ZNF496: variants seen among roughly 807,000 people sequenced by gnomAD.
ZNF496 encodes zinc finger protein 496, also known as NSD1 (nuclear receptor binding SET-domain containing 1)-interacting zinc finger protein 1.
A neutral mutation model predicts 58.9 loss-of-function variants in ZNF496; 11 were observed. That is an observed-to-expected ratio of 0.19 (90% CI 0.12 to 0.31). The LOEUF (loss-of-function observed/expected upper bound fraction) is 0.31. ZNF496 is among the 10% of genes least tolerant of loss of function. The pLI is 1.00. For synonymous variants in ZNF496, 338 were observed against 318.2 expected (o/e 1.06, Z -0.66); for missense variants, 660 against 783.0 (o/e 0.84, Z 1.88).
intron 6 of ZNF496, among the ~76,000 whole-genome samples, chr1:247,317,546 T>C: frequency 6.7e-6 from 1 of 150,024 alleles, no homozygotes; most frequent in African/African-American, 2.4e-5. Flanking sequence ...AGCTGGGACC[T>C]CCATCCCTGC....
At chr1:247,325,393 A>G (rs1660088658) in intron 5 of ZNF496, among the ~76,000 whole-genome samples, 2 of 152,250 alleles carry the variant, frequency 1.3e-5, no homozygotes. Context: ...TTATTAAGCT[A>G]TAATTGACAA....
intron 5 of ZNF496, among the ~76,000 whole-genome samples, chr1:247,326,953 T>G (rs1003894469): frequency 2.0e-5 from 3 of 152,134 alleles, no homozygotes. Flanking sequence ...CCGCCCGTCA[T>G]CAAGAGTCCT....
chr1:247,323,290 C>T, intron 5 of ZNF496, 60 bp from the exon 6 acceptor site: 2 of 1,268,240 alleles, frequency 1.6e-6, no homozygotes, highest in Non-Finnish European at 2.3e-6. Flanking sequence ...GGTGCTGATA[C>T]CTTCTGAGCT....
intron 6 of ZNF496, among the ~76,000 whole-genome samples, chr1:247,320,441 G>A (rs188387841): frequency 1.9e-4 from 29 of 152,304 alleles, no homozygotes; most frequent in Non-Finnish European, 2.9e-4. Context: ...TCACAGAGCT[G>A]AAAAACAGAT....
intron 6 of ZNF496, among the ~76,000 whole-genome samples, chr1:247,322,530 T>A (rs1006679883): frequency 6.6e-6 from 1 of 152,156 alleles, no homozygotes; most frequent in Admixed American, 6.5e-5. Flanking sequence ...GAAGGAGATA[T>A]GGCCAGAAAA....
In ZNF496 at chr1:247,298,510, G is replaced by A. The variant is rs966474072; in HGVS notation, c.*2009C>T. ...AATTTTTTGCATTTTTGGTACAGAC[G>A]GGGTTTTGCCATGTGGCCCAGGCTG... On this transcript the variant is annotated 3_prime_UTR_variant, in exon 10 of 10. Transcript: ENST00000682384. The A allele has an allele frequency of 6.6e-6, 1 of 152,572 alleles. No homozygotes were observed. The highest frequency in any genetic ancestry group is 2.4e-5 in the African/African-American group (1 of 41,458). The allele number at this position is 152,572 out of a possible 1,614,324, so 9.5% of individuals were successfully genotyped here.
chr1:247,325,816 G>A (rs1489252435), intron 5 of ZNF496, among the ~76,000 whole-genome samples: 1 of 151,944 alleles, frequency 6.6e-6, no homozygotes, highest in Non-Finnish European at 1.5e-5. Context: ...TTTTAGTTCT[G>A]CTTCCTCACA....
chr1:247,325,857 C>A (rs1388665156), intron 5 of ZNF496, among the ~76,000 whole-genome samples: 2 of 151,936 alleles, frequency 1.3e-5, no homozygotes, highest in African/African-American at 4.8e-5. Context: ...GTAGCTATCC[C>A]AGATATTCAT....
At chr1:247,326,151 T>A (rs12564303) in intron 5 of ZNF496, among the ~76,000 whole-genome samples, 49,905 of 149,584 alleles carry the variant, frequency 0.33, 8,816 homozygotes, top group Middle Eastern at 0.52. Context: ...CACACATATA[T>A]ATATATATAT....
chr1:247,326,127 C>CAT (rs769921242), intron 5 of ZNF496, among the ~76,000 whole-genome samples: 3,132 of 147,252 alleles, frequency 0.021, 101 homozygotes, highest in African/African-American at 0.07. Flanking sequence ...TATATACATA[C>CAT]ATATATATAT....
rs1659185477 is a variant in ZNF496, at chr1:247,300,029, C to T, written c.*490G>A. 6.5e-6 allele frequency: 1 copy of T among 153,642 alleles called. No individual in the cohort carries two copies. 9.5% of individuals were successfully genotyped at this position (153,642 alleles called of 1,614,324 possible). On this transcript the variant is annotated 3_prime_UTR_variant, in exon 10 of 10. Transcript: ENST00000682384. The surrounding 1 kb of genome is among the most constrained non-coding windows in gnomAD (Gnocchi z 5.7). ...CTCCCCACTGAGCCCATCAGTCCCA[C>T]CCTGCCTTCTTCTTTCCTCTAGTCC...
chr1:247,315,029 G>A (rs928067977), intron 6 of ZNF496, among the ~76,000 whole-genome samples: 1 of 148,446 alleles, frequency 6.7e-6, no homozygotes, highest in African/African-American at 2.5e-5. Flanking sequence ...AGGATTATGG[G>A]TGTGAGCCAC....
chr1:247,319,544 G>A (rs1045376482), intron 6 of ZNF496, among the ~76,000 whole-genome samples: 1 of 152,122 alleles, frequency 6.6e-6, no homozygotes, highest in African/African-American at 2.4e-5. Context: ...CTAACATGTC[G>A]GTAATGACAT....
At position 247,300,432 on chromosome 1, in the gene ZNF496, GA is replaced by G; in HGVS notation, c.*86del. 7.0e-7 allele frequency: 1 copy of G among 1,420,228 alleles called. No homozygotes were observed. The highest frequency in any genetic ancestry group is 9.4e-7 in the Non-Finnish European group (1 of 1,061,178). 88.0% of individuals were successfully genotyped at this position (1,420,228 alleles called of 1,614,324 possible). ...AGGGAGGTGTGCTCTCTATCCTGGGGAAGGTATGTCCTGGGTGGGGGCGCTG... is the reference window on the plus strand; with the variant it reads ...AGGGAGGTGTGCTCTCTATCCTGGGGAGGTATGTCCTGGGTGGGGGCGCTG... On this transcript the variant is annotated 3_prime_UTR_variant, in exon 10 of 10. Transcript: ENST00000682384. The surrounding 1 kb of genome is among the most constrained non-coding windows in gnomAD (Gnocchi z 5.7).
intron 6 of ZNF496, among the ~76,000 whole-genome samples, chr1:247,314,193 G>A (rs1659700871): frequency 6.6e-6 from 1 of 152,080 alleles, no homozygotes. Context: ...CAAGTAGCTG[G>A]GACTACAGGA....
chr1:247,300,777 G>A lies in ZNF496; in HGVS notation c.1506C>T (p.Ser502=), dbSNP rs780619810. The A allele has an allele frequency of 2.5e-6, 4 of 1,603,388 alleles. No homozygotes were observed. The highest frequency in any genetic ancestry group is 3.4e-5 in the Admixed American group (2 of 59,630). The change falls in exon 10 of 10, where the codon TCC becomes TCT. Residue 502 remains serine (S), a synonymous_variant. Coordinates refer to ENST00000682384, the MANE Select transcript of ZNF496 (RefSeq NM_032752.3). This position sits in a 1 kb window ranked among gnomAD's most constrained non-coding sequence, Gnocchi z 5.7. ...QPVEKREQAA[S]EDADKGPKEP... is the part of the protein sequence containing the mutation. ...CTTTGGGACCCTTGTCCGCGTCCTC[G>A]GATGCCGCCTGCTCTCTCTTCTCCA...
chr1:247,326,540 C>T (rs1056056988), intron 5 of ZNF496, among the ~76,000 whole-genome samples: 2 of 152,150 alleles, frequency 1.3e-5, no homozygotes, highest in African/African-American at 4.8e-5. Context: ...CCTTCCCAGA[C>T]CCCACTACAA....
intron 6 of ZNF496, among the ~76,000 whole-genome samples, chr1:247,316,195 GTGTGTGTGCGCGCGCGTGCGCGTGTGT>G (rs1659766783): frequency 3.2e-5 from 1 of 31,656 alleles, no homozygotes; most frequent in African/African-American, 8.6e-5. Flanking sequence ...GGAGGGGTGT[GTGTGTGTGCGCGCGCGTGCGCGTGTGT>G]GTGTGTGTGT....
chr1:247,310,517 G>C, intron 6 of ZNF496, 61 bp from the exon 7 acceptor site: 1 of 1,599,088 alleles, frequency 6.3e-7, no homozygotes, highest in Non-Finnish European at 8.5e-7. Context: ...CTCAGTCTTA[G>C]TCCACTGAGG....
Sources: allele counts gnomAD v4.1 joint callset (sites outside exome capture counted in the v4.1 genomes callset), GRCh38; gene constraint gnomAD v4.1.1; non-coding constraint Gnocchi (gnomAD v3.1); transcripts MANE v1.5; gene names NCBI Gene and HGNC (gene_info 2026-07-23, HGNC 2026-07-21).